The following CARMIL1 variants were observed in gnomAD, a reference collection of about 807,000 sequenced individuals.
CARMIL1 encodes the protein capping protein regulator and myosin 1 linker 1.
CARMIL1 carries 90 observed loss-of-function variants against 177.1 expected under a neutral mutation model. The ratio of observed to expected loss-of-function variants is 0.51; its 90% CI spans 0.43 to 0.61. The LOEUF is 0.61. Among genes scored for constraint, CARMIL1 ranks in the 20% least tolerant of loss-of-function variants. The pLI is 0.00. For missense variants in CARMIL1, 1,380 were observed against 1,667.0 expected, an observed-to-expected ratio of 0.83 and a Z score of 3.00; for synonymous variants, 577 against 606.2, an observed-to-expected ratio of 0.95 and a Z score of 0.71.
At chr6:25,318,290 A>T (rs9356975) in intron 2 of CARMIL1, among the ~76,000 whole-genome samples, 1 of 151,884 alleles carries the variant, frequency 6.6e-6, no homozygotes, top group African/African-American at 2.4e-5. Flanking sequence ...GGAAAGGAGA[A>T]GGTCGGGAAG....
At chr6:25,517,073 A>G (rs1320171197) in intron 21 of CARMIL1, among the ~76,000 whole-genome samples, 3 of 152,224 alleles carry the variant, frequency 2.0e-5, no homozygotes, top group African/African-American at 7.2e-5. Flanking sequence ...CTGTCTAGTG[A>G]AAGTTAGATA....
In CARMIL1 at chr6:25,560,543, A is replaced by G. The variant is rs114330393; in HGVS notation, c.2742+3693A>G. Among the ~76,000 whole-genome samples the G allele has an allele frequency of 6.9e-3, 1,049 of 152,268 alleles. 8 individuals carry two copies. The highest frequency in any genetic ancestry group is 0.021 in the African/African-American group (854 of 41,558). On this transcript the variant is annotated intron_variant, in intron 29 of 36. Transcript: ENST00000329474. ...CTCTTTGTGACTGTTAACCAGTTCA[A>G]TCTTCATAGCAACCTGAATAATAAG...
intron 24 of CARMIL1, among the ~76,000 whole-genome samples, chr6:25,535,042 G>A (rs1457332005): frequency 6.6e-6 from 1 of 152,232 alleles, no homozygotes; most frequent in African/African-American, 2.4e-5. Flanking sequence ...TCACCAGCAA[G>A]TGTGATATGA....
At chr6:25,476,908 G>T (rs1256720023) in intron 11 of CARMIL1, among the ~76,000 whole-genome samples, 1 of 151,870 alleles carries the variant, frequency 6.6e-6, no homozygotes, top group Non-Finnish European at 1.5e-5. Context: ...GGTCAATGTG[G>T]TGAAACCCCA....
Position 25,383,417 on chromosome 6 carries a change from G to A in CARMIL1, c.139-36697G>A, listed in dbSNP as rs534325854. ...ACATATAACAATCCATAGAGAAGAG[G>A]GTAATGTCCTTCTGGTGACATTAAT... On this transcript the variant is annotated intron_variant, in intron 2 of 36. Transcript: ENST00000329474. 5.3e-5 allele frequency among the ~76,000 whole-genome samples: 8 copies of A among 152,134 alleles called. No individual in the cohort carries two copies. The South Asian group carries it at 6.2e-4, about 12-fold the overall frequency.
chr6:25,512,878 G>A (rs1007114786), intron 20 of CARMIL1, among the ~76,000 whole-genome samples: 4 of 152,122 alleles, frequency 2.6e-5, no homozygotes, highest in East Asian at 1.9e-4. Flanking sequence ...TGATTCTCCT[G>A]GGGGTGCCTG....
intron 2 of CARMIL1, among the ~76,000 whole-genome samples, chr6:25,414,814 T>C (rs1351984794): frequency 2.0e-5 from 3 of 152,182 alleles, no homozygotes; most frequent in Non-Finnish European, 4.4e-5. Context: ...TCTGGAGGCT[T>C]TCACTGACCA....
chr6:25,333,970 C>T (rs1307291091), intron 2 of CARMIL1, among the ~76,000 whole-genome samples: 2 of 152,166 alleles, frequency 1.3e-5, no homozygotes, highest in Admixed American at 6.5e-5. Flanking sequence ...TTTCATGATC[C>T]TAGAATGTAC....
At chr6:25,441,337 A>ATATGTGTG in intron 5 of CARMIL1, among the ~76,000 whole-genome samples, 2,289 of 94,506 alleles carry the variant, frequency 0.024, 49 homozygotes, top group Non-Finnish European at 0.037. Context: ...ATATATATAT[A>ATATGTGTG]TGTGTGTGTG....
rs1344690773 is a variant in CARMIL1, at chr6:25,300,997, CCCTGCA to C, written c.138+16089_138+16094del. On this transcript the variant is annotated intron_variant, in intron 2 of 36. Coordinates refer to ENST00000329474, the MANE Select transcript of CARMIL1 (RefSeq NM_017640.6). ...AAGTGTGTGCTGGTCATATTGGCTT[CCCTGCA>C]AGAGCCTGCCATGTCCACAGCTTTC... 2.6e-5 allele frequency among the ~76,000 whole-genome samples: 4 copies of C among 152,316 alleles called. No homozygotes were observed. In the East Asian group the frequency reaches 7.7e-4, roughly 29 times the overall value.
At chr6:25,543,674 G>A (rs1268208371) in intron 26 of CARMIL1, among the ~76,000 whole-genome samples, 1 of 152,102 alleles carries the variant, frequency 6.6e-6, no homozygotes, top group South Asian at 2.1e-4. Flanking sequence ...CTTTACTTAT[G>A]ATATGAGGCC....
chr6:25,560,656 A>G (rs1052450968), intron 29 of CARMIL1, among the ~76,000 whole-genome samples: 1 of 152,202 alleles, frequency 6.6e-6, no homozygotes, highest in African/African-American at 2.4e-5. Context: ...AAAGGCAGGC[A>G]GTTTGGTGCC....
chr6:25,511,056 C>T (rs1805411730), intron 20 of CARMIL1, among the ~76,000 whole-genome samples: 1 of 152,142 alleles, frequency 6.6e-6, no homozygotes, highest in South Asian at 2.1e-4. Flanking sequence ...TACTCCCTAA[C>T]TTTAGCTAAT....
intron 29 of CARMIL1, among the ~76,000 whole-genome samples, chr6:25,569,637 A>T (rs1243897147): frequency 6.6e-6 from 1 of 152,188 alleles, no homozygotes; most frequent in African/African-American, 2.4e-5. Flanking sequence ...GTTAACTACT[A>T]ATTTTTGTCA....
chr6:25,471,331 G>GTTTT, intron 10 of CARMIL1, 74 bp downstream of exon 10: 40 of 743,190 alleles, frequency 5.4e-5, no homozygotes, highest in South Asian at 3.1e-4. Context: ...TTAATTCATA[G>GTTTT]TTTTTTTTTT....
At chr6:25,604,777 G>A (rs574563272) in intron 33 of CARMIL1, 35 bp from the exon 34 acceptor site, 4 of 1,482,574 alleles carry the variant, frequency 2.7e-6, no homozygotes, top group East Asian at 4.8e-5. Flanking sequence ...AAATAAATGT[G>A]CACTTTTTGG....
chr6:25,542,700 T>G (rs1809043765), intron 26 of CARMIL1, among the ~76,000 whole-genome samples: 1 of 152,164 alleles, frequency 6.6e-6, no homozygotes, highest in Non-Finnish European at 1.5e-5. Context: ...AAAATGTTCT[T>G]TTAACTGGGT....
chr6:25,402,191 T>G (rs1476573936), intron 2 of CARMIL1, among the ~76,000 whole-genome samples: 2 of 152,124 alleles, frequency 1.3e-5, no homozygotes, highest in Non-Finnish European at 2.9e-5. Context: ...AAAAAAGAGA[T>G]AACTGATGTC....
At chr6:25,516,989 T>C (rs1806065784) in intron 21 of CARMIL1, among the ~76,000 whole-genome samples, 1 of 152,186 alleles carries the variant, frequency 6.6e-6, no homozygotes, top group South Asian at 2.1e-4. Flanking sequence ...CTTTTGTAAA[T>C]AGCTTCCACC....
Sources: allele counts gnomAD v4.1 joint callset (sites outside exome capture counted in the v4.1 genomes callset), GRCh38; gene constraint gnomAD v4.1.1; transcripts MANE v1.5; gene names NCBI Gene and HGNC (gene_info 2026-07-23, HGNC 2026-07-21).